Variants in SETBP1 observed in about 807,000 individuals in gnomAD.
The protein encoded by SETBP1 is SET-binding protein.
Under a neutral mutation model 101.0 loss-of-function variants are expected in SETBP1, and 9 were observed. The ratio of observed to expected loss-of-function variants is 0.09; its 90% confidence interval spans 0.05 to 0.16. The LOEUF (loss-of-function observed/expected upper bound fraction) is 0.16. Ranked by LOEUF, SETBP1 falls within the 10% of genes least tolerant of loss-of-function variation. The probability of loss-of-function intolerance (pLI) is 1.00; values close to 1 mark genes in which losing one functional copy is unlikely to be tolerated. For synonymous variants in SETBP1, 818 were observed against 788.5 expected, an observed-to-expected ratio of 1.04 and a Z score of -0.63; for missense variants, 1,858 against 2,033.8, an observed-to-expected ratio of 0.91 and a Z score of 1.66.
intron 3 of SETBP1, among the ~76,000 whole-genome samples, chr18:44,905,746 T>C (rs8088003): frequency 3.9e-4 from 60 of 152,322 alleles, no homozygotes; most frequent in African/African-American, 1.4e-3. Context: ...TTTTCAGAAG[T>C]GACTGTGTCA....
intron 2 of SETBP1, among the ~76,000 whole-genome samples, chr18:44,832,255 A>G (rs2144465266): frequency 6.6e-6 from 1 of 152,360 alleles, no homozygotes; most frequent in African/African-American, 2.4e-5. Context: ...CTGACCAGTT[A>G]TACCCTGGTC....
At chr18:44,985,485 C>T (rs565380149) in intron 4 of SETBP1, among the ~76,000 whole-genome samples, 1 of 152,266 alleles carries the variant, frequency 6.6e-6, no homozygotes, top group South Asian at 2.1e-4. Context: ...GCTTAATACA[C>T]TTATTAATGT....
intron 2 of SETBP1, among the ~76,000 whole-genome samples, chr18:44,769,769 C>G (rs1315408806): frequency 1.3e-5 from 2 of 152,226 alleles, no homozygotes; most frequent in Non-Finnish European, 2.9e-5. Context: ...CTTTCTGTGG[C>G]CATGGAGGGA....
chr18:44,681,793 C>A (rs1188341221), intron 1 of SETBP1, among the ~76,000 whole-genome samples: 1 of 152,098 alleles, frequency 6.6e-6, no homozygotes, highest in Non-Finnish European at 1.5e-5. Context: ...ATTTCCGATT[C>A]GTTTCCGTTT....
At chr18:44,852,773 T>C (rs1290199646) in intron 2 of SETBP1, among the ~76,000 whole-genome samples, 2 of 152,230 alleles carry the variant, frequency 1.3e-5, no homozygotes, top group Non-Finnish European at 2.9e-5. Context: ...TCTGTCATTC[T>C]GCCATGTAAG....
At chr18:44,762,896 A>G (rs1317957439) in intron 2 of SETBP1, among the ~76,000 whole-genome samples, 5 of 152,228 alleles carry the variant, frequency 3.3e-5, no homozygotes, top group Non-Finnish European at 7.3e-5. Flanking sequence ...CATTCTCTAA[A>G]TAGTAACAGA....
rs142525315 is a variant in SETBP1 at position 44,717,025 on chromosome 18, G to T, written c.486+15193G>T. Among the ~76,000 whole-genome samples, 4 of 152,248 alleles carry T rather than the reference G, an allele frequency of 2.6e-5. No homozygotes were observed. In the East Asian group the frequency reaches 7.7e-4, roughly 29 times the overall value. On this transcript the variant is annotated intron_variant, in intron 2 of 5. Transcript: ENST00000649279. ...TTGCTACCGAATCTTCCCCACAACCGCAATGTGATGTTACTATCCCCATTT... is the reference window on the plus strand; with the variant it reads ...TTGCTACCGAATCTTCCCCACAACCTCAATGTGATGTTACTATCCCCATTT...
chr18:44,939,204 T>G (rs1283374851), intron 3 of SETBP1, among the ~76,000 whole-genome samples: 1 of 152,112 alleles, frequency 6.6e-6, no homozygotes, highest in Non-Finnish European at 1.5e-5. Context: ...CATAACTCAC[T>G]GGAAACTCCC....
At chr18:44,746,180 G>A (rs536700092) in intron 2 of SETBP1, among the ~76,000 whole-genome samples, 148 of 152,332 alleles carry the variant, frequency 9.7e-4, no homozygotes, top group African/African-American at 3.3e-3. Flanking sequence ...TCATAGGAGA[G>A]ATGACAGAGG....
chr18:44,730,691 T>A (rs1223998454), intron 2 of SETBP1, among the ~76,000 whole-genome samples: 3 of 152,124 alleles, frequency 2.0e-5, no homozygotes, highest in African/African-American at 7.2e-5. Flanking sequence ...TCCCCACTGG[T>A]CTAAGAGAGA....
At chr18:44,930,509 T>TG (rs2070805791) in intron 3 of SETBP1, among the ~76,000 whole-genome samples, 1 of 152,236 alleles carries the variant, frequency 6.6e-6, no homozygotes, top group Non-Finnish European at 1.5e-5. Flanking sequence ...TCAGAAGGAA[T>TG]GGTACCAGTT....
At chr18:44,690,248 G>A (rs1409389104) in intron 1 of SETBP1, among the ~76,000 whole-genome samples, 1 of 152,210 alleles carries the variant, frequency 6.6e-6, no homozygotes, top group African/African-American at 2.4e-5. Context: ...ACAGTACAAG[G>A]TAGCTAGAGG....
chr18:45,019,682 T>A (rs2073017359), intron 4 of SETBP1, among the ~76,000 whole-genome samples: 1 of 151,456 alleles, frequency 6.6e-6, no homozygotes, highest in African/African-American at 2.4e-5. Flanking sequence ...AGAATTGGTA[T>A]TTTTTTTTCA....
At chr18:44,760,856 T>A (rs1229492110) in intron 2 of SETBP1, among the ~76,000 whole-genome samples, 2 of 152,090 alleles carry the variant, frequency 1.3e-5, no homozygotes, top group Non-Finnish European at 2.9e-5. Flanking sequence ...ATAAAGGACA[T>A]ACAAAAAGAA....
chr18:44,914,495 G>A (rs182853412), intron 3 of SETBP1, among the ~76,000 whole-genome samples: 3 of 152,228 alleles, frequency 2.0e-5, no homozygotes, highest in African/African-American at 7.2e-5. Context: ...TTCTCTGTAT[G>A]ACAGGCAAAG....
At chr18:44,716,170 A>G (rs939970035) in intron 2 of SETBP1, among the ~76,000 whole-genome samples, 1 of 151,984 alleles carries the variant, frequency 6.6e-6, no homozygotes, top group African/African-American at 2.4e-5. Context: ...ATTGTGTTTC[A>G]TGCTCCCGGA....
At chr18:44,802,698 C>T (rs62090592) in intron 2 of SETBP1, among the ~76,000 whole-genome samples, 8,896 of 152,128 alleles carry the variant, frequency 0.058, 355 homozygotes, top group East Asian at 0.14. Flanking sequence ...TGGTTTGTCT[C>T]ACAAAATCTA....
At chr18:44,739,697 T>C (rs186141565) in intron 2 of SETBP1, among the ~76,000 whole-genome samples, 9 of 152,334 alleles carry the variant, frequency 5.9e-5, no homozygotes, top group Admixed American at 1.3e-4. Flanking sequence ...TTGTATCAAA[T>C]GAATGACAGA....
At chr18:44,778,113 A>G (rs1326698348) in intron 2 of SETBP1, among the ~76,000 whole-genome samples, 1 of 152,110 alleles carries the variant, frequency 6.6e-6, no homozygotes, top group African/African-American at 2.4e-5. Flanking sequence ...TCCCTGAAAG[A>G]GCCAGTGCCA....
Sources: gnomAD v4.1 joint callset for allele counts (sites outside exome capture counted in the v4.1 genomes callset) on GRCh38, gnomAD v4.1.1 for gene constraint, MANE v1.5 for transcripts, NCBI Gene and HGNC (gene_info 2026-07-23, HGNC 2026-07-21) for gene names.